TMTC2: variants seen among roughly 807,000 people sequenced by gnomAD.
The protein encoded by TMTC2 is transmembrane O-mannosyltransferase targeting cadherins 2.
Under a neutral mutation model 82.4 loss-of-function variants are expected in TMTC2, and 43 were observed. The observed-to-expected ratio is 0.52, with a 90% CI of 0.41 to 0.67. The LOEUF (loss-of-function observed/expected upper bound fraction) is 0.67. TMTC2 is among the 30% of genes least tolerant of loss of function. The pLI, the probability that TMTC2 is intolerant of heterozygous loss-of-function variation, is 0.00. For missense variants in TMTC2, 919 were observed against 1,012.4 expected (o/e 0.91, Z 1.25); for synonymous variants, 408 against 381.9 (o/e 1.07, Z -0.80).
intron 1 of TMTC2, among the ~76,000 whole-genome samples, chr12:82,775,937 T>A (rs1326391056): frequency 6.6e-6 from 1 of 152,100 alleles, no homozygotes; most frequent in Non-Finnish European, 1.5e-5. Context: ...TTTCATTTTT[T>A]GAGAGGATCG....
At chr12:82,889,137 C>A (rs542487826) in intron 2 of TMTC2, among the ~76,000 whole-genome samples, 1 of 151,798 alleles carries the variant, frequency 6.6e-6, no homozygotes, top group South Asian at 2.1e-4. Context: ...ATTAGCCAGG[C>A]GTGGTGGCAC....
In TMTC2 at chr12:82,985,551, C is replaced by G. The variant is rs1375976175; in HGVS notation, c.1949-374C>G. ...GGTTATTCTATAAATACTTGAATTTCTAAAGGAATAAATGAATATGAATAA... is the reference window on the plus strand; with the variant it reads ...GGTTATTCTATAAATACTTGAATTTGTAAAGGAATAAATGAATATGAATAA... On this transcript the variant is annotated intron_variant, in intron 7 of 11. Coordinates refer to ENST00000321196, the MANE Select transcript of TMTC2 (RefSeq NM_152588.3). Among the ~76,000 whole-genome samples the G allele has an allele frequency of 4.0e-5, 6 of 151,272 alleles. No individual in the cohort carries two copies. The East Asian group carries it at 7.7e-4, about 19-fold the overall frequency.
At chr12:82,815,382 C>T (rs1868642331) in intron 1 of TMTC2, among the ~76,000 whole-genome samples, 1 of 151,766 alleles carries the variant, frequency 6.6e-6, no homozygotes, top group South Asian at 2.1e-4. Context: ...GCTATCTCGG[C>T]TCACTGCAAG....
chr12:83,130,200 CT>C (rs1168710795), intron 11 of TMTC2, among the ~76,000 whole-genome samples: 1 of 152,196 alleles, frequency 6.6e-6, no homozygotes, highest in Non-Finnish European at 1.5e-5. Context: ...TGTGAGCATA[CT>C]TCACCATCAG....
intron 1 of TMTC2, among the ~76,000 whole-genome samples, chr12:82,801,969 G>T (rs1407015070): frequency 1.3e-5 from 2 of 152,146 alleles, no homozygotes; most frequent in African/African-American, 4.8e-5. Context: ...AGCCCAGCTG[G>T]CTTCACCCAG....
chr12:82,966,118 C>T, intron 6 of TMTC2: 1 of 228,960 alleles, frequency 4.4e-6, no homozygotes, highest in Non-Finnish European at 8.7e-6. Flanking sequence ...AGAATTGTTA[C>T]CCTATGCCCA....
intron 10 of TMTC2, among the ~76,000 whole-genome samples, chr12:83,057,796 G>A (rs192306664): frequency 1.1e-4 from 16 of 151,776 alleles, no homozygotes; most frequent in African/African-American, 3.1e-4. Flanking sequence ...GTATGTATCC[G>A]TGGTTTTTAT....
At chr12:82,790,379 T>G (rs1008952106) in intron 1 of TMTC2, among the ~76,000 whole-genome samples, 1 of 152,086 alleles carries the variant, frequency 6.6e-6, no homozygotes, top group African/African-American at 2.4e-5. Context: ...ATTTGAAATT[T>G]CTCAAAATGC....
intron 8 of TMTC2, among the ~76,000 whole-genome samples, chr12:82,994,647 G>A (rs752247191): frequency 1.3e-5 from 2 of 148,998 alleles, no homozygotes; most frequent in Admixed American, 6.7e-5. Context: ...AAAAAAAAAG[G>A]CAGTCCTGTA....
At chr12:82,693,198 T>G (rs1186913632) in intron 1 of TMTC2, among the ~76,000 whole-genome samples, 1 of 152,206 alleles carries the variant, frequency 6.6e-6, no homozygotes, top group Non-Finnish European at 1.5e-5. Flanking sequence ...CAGGTGGAAT[T>G]CCACTTGAAT....
intron 1 of TMTC2, among the ~76,000 whole-genome samples, chr12:82,693,526 C>T (rs1401821427): frequency 6.6e-6 from 1 of 152,108 alleles, no homozygotes; most frequent in East Asian, 1.9e-4. Flanking sequence ...AGATTTTTGC[C>T]TCAGGTTTTT....
chr12:82,727,133 T>G (rs898332046), intron 1 of TMTC2, among the ~76,000 whole-genome samples: 2 of 151,990 alleles, frequency 1.3e-5, no homozygotes, highest in African/African-American at 4.8e-5. Flanking sequence ...AGAAAACTTA[T>G]AATGTTTATT....
chr12:82,748,976 A>C (rs1464002166), intron 1 of TMTC2, among the ~76,000 whole-genome samples: 3 of 152,202 alleles, frequency 2.0e-5, no homozygotes, highest in Non-Finnish European at 4.4e-5. Context: ...TAAACCTAAT[A>C]CATAGTTTGT....
chr12:82,937,568 A>T (rs1432732556), intron 4 of TMTC2, among the ~76,000 whole-genome samples: 1 of 151,994 alleles, frequency 6.6e-6, no homozygotes, highest in African/African-American at 2.4e-5. Context: ...AACCCATCAC[A>T]TTTCCTTACC....
chr12:82,883,055 CAAAAAAAAA>C (rs66496024), intron 2 of TMTC2, among the ~76,000 whole-genome samples: 1 of 68,258 alleles, frequency 1.5e-5, no homozygotes, highest in South Asian at 8.1e-4. Flanking sequence ...AACTTGGTCT[CAAAAAAAAA>C]AAAAAAAAAA....
At chr12:82,901,259 C>A (rs1237822228) in intron 3 of TMTC2, among the ~76,000 whole-genome samples, 3 of 128,672 alleles carry the variant, frequency 2.3e-5, no homozygotes, top group Non-Finnish European at 3.2e-5. Flanking sequence ...ATATATATAT[C>A]TGGAATATAT....
intron 7 of TMTC2, among the ~76,000 whole-genome samples, chr12:82,979,272 T>G (rs1463943533): frequency 6.6e-6 from 1 of 151,676 alleles, no homozygotes; most frequent in African/African-American, 2.4e-5. Flanking sequence ...CTTCCTGTCT[T>G]TTAGTGAAGG....
intron 3 of TMTC2, among the ~76,000 whole-genome samples, chr12:82,925,006 G>A (rs1286511831): frequency 6.6e-6 from 1 of 152,060 alleles, no homozygotes; most frequent in African/African-American, 2.4e-5. Flanking sequence ...CAACTGACTG[G>A]TGTTGTTCCT....
chr12:82,824,346 A>G (rs1869288067), intron 1 of TMTC2, among the ~76,000 whole-genome samples: 1 of 152,248 alleles, frequency 6.6e-6, no homozygotes, highest in Non-Finnish European at 1.5e-5. Flanking sequence ...TGGTCAGGCT[A>G]ATCAGAATGG....
Sources: allele counts gnomAD v4.1 joint callset (sites outside exome capture counted in the v4.1 genomes callset), GRCh38; gene constraint gnomAD v4.1.1; transcripts MANE v1.5; gene names NCBI Gene and HGNC (gene_info 2026-07-23, HGNC 2026-07-21).